LINGO2: variants seen among roughly 807,000 people sequenced by gnomAD.
LINGO2 encodes leucine-rich repeat and immunoglobulin-like domain-containing nogo receptor-interacting protein 2.
In LINGO2, 14 loss-of-function variants were observed where a neutral mutation model predicts 30.6. That is an observed-to-expected ratio of 0.46 (90% confidence interval 0.30 to 0.72). The LOEUF (loss-of-function observed/expected upper bound fraction) is 0.72. LINGO2 is among the 30% of genes least tolerant of loss of function. The pLI, the probability that LINGO2 is intolerant of heterozygous loss-of-function variation, is 0.07. For missense variants in LINGO2, 729 were observed against 751.7 expected, an observed-to-expected ratio of 0.97 and a Z score of 0.35; for synonymous variants, 317 against 288.5, an observed-to-expected ratio of 1.10 and a Z score of -1.00.
At chr9:28,381,775 G>A (rs932273228) in intron 2 of LINGO2, among the ~76,000 whole-genome samples, 5 of 152,072 alleles carry the variant, frequency 3.3e-5, no homozygotes, top group African/African-American at 1.2e-4. Context: ...CATTGACCCA[G>A]ATGGTCATTT....
At chr9:29,087,277 G>C in the LINGO2 span, among the ~76,000 whole-genome samples, 1 of 152,186 alleles carries the variant, frequency 6.6e-6, no homozygotes, top group Non-Finnish European at 1.5e-5. Flanking sequence ...CTCACCTGTG[G>C]TATGGCAGTG....
Position 28,610,680 on chromosome 9 carries a change from T to G in LINGO2, c.-365+59520A>C, listed in dbSNP as rs139660225. Among the ~76,000 whole-genome samples the G allele has an allele frequency of 2.4e-3, 372 of 152,254 alleles. 3 individuals are homozygous for G. Among genetic ancestry groups the G allele is most frequent in the African/African-American group, 8.6e-3 (358 of 41,564 alleles). On this transcript the variant is annotated intron_variant, in intron 1 of 5. Transcript: ENST00000379992. ...CTTAAGACTTCCCATCCTCCAGAAC[T>G]GTGAGAAATTAATTTCTATCATTTA...
intron 2 of LINGO2, among the ~76,000 whole-genome samples, chr9:28,469,937 T>A (rs1214962536): frequency 6.6e-6 from 1 of 152,174 alleles, no homozygotes; most frequent in Non-Finnish European, 1.5e-5. Context: ...AGAGTATTAT[T>A]GTAATTTTGG....
the LINGO2 span, among the ~76,000 whole-genome samples, chr9:28,990,002 A>G: frequency 6.6e-6 from 1 of 152,142 alleles, no homozygotes; most frequent in African/African-American, 2.4e-5. Context: ...CCATCTGAGG[A>G]AACGGGTTCA....
At chr9:28,004,627 G>GT (rs112664786) in intron 5 of LINGO2, among the ~76,000 whole-genome samples, 28,199 of 151,878 alleles carry the variant, frequency 0.19, 3,734 homozygotes, top group African/African-American at 0.37. Context: ...GTGATAAGTA[G>GT]TTTTTTTTCC....
chr9:28,993,303 A>G, the LINGO2 span, among the ~76,000 whole-genome samples: 1 of 152,146 alleles, frequency 6.6e-6, no homozygotes, highest in African/African-American at 2.4e-5. Context: ...ACACCCTCCC[A>G]AGACTAAACC....
intron 1 of LINGO2, among the ~76,000 whole-genome samples, chr9:28,650,798 C>CA (rs1459791004): frequency 2.6e-5 from 4 of 152,290 alleles, no homozygotes; most frequent in Non-Finnish European, 5.9e-5. Context: ...TGATCACTGT[C>CA]ACTGTATTCT....
chr9:28,670,236 T>C (rs992150576), exon 1 of LINGO2: 6 of 152,104 alleles, frequency 3.9e-5, no homozygotes, highest in African/African-American at 1.2e-4. Flanking sequence ...ACTTTAGAAG[T>C]GCAGGCAGCT....
At chr9:28,123,731 T>A (rs1380141252) in intron 4 of LINGO2, among the ~76,000 whole-genome samples, 1 of 152,046 alleles carries the variant, frequency 6.6e-6, no homozygotes, top group Admixed American at 6.5e-5. Flanking sequence ...CGGCGTGATC[T>A]CGGCTCACTG....
intron 1 of LINGO2, among the ~76,000 whole-genome samples, chr9:28,515,204 ATTTTT>A (rs58265226): frequency 5.8e-4 from 60 of 102,974 alleles, no homozygotes; most frequent in African/African-American, 1.7e-3. Flanking sequence ...TAAGAAATAC[ATTTTT>A]TTTTTTTTTT....
chr9:29,087,169 AC>A, the LINGO2 span, among the ~76,000 whole-genome samples: 5 of 152,174 alleles, frequency 3.3e-5, no homozygotes, highest in Non-Finnish European at 7.4e-5. Flanking sequence ...GAGCCACTGC[AC>A]CCGGCCCAAG....
At chr9:28,038,977 C>T (rs887147143) in intron 4 of LINGO2, among the ~76,000 whole-genome samples, 1 of 152,174 alleles carries the variant, frequency 6.6e-6, no homozygotes, top group Non-Finnish European at 1.5e-5. Flanking sequence ...TCTAGGTCTA[C>T]AATTCTTTTT....
chr9:28,587,664 T>A (rs1425422494), intron 1 of LINGO2, among the ~76,000 whole-genome samples: 1 of 151,338 alleles, frequency 6.6e-6, no homozygotes, highest in African/African-American at 2.4e-5. Flanking sequence ...AAAGCAAAGG[T>A]CATAGCAAAA....
the LINGO2 span, among the ~76,000 whole-genome samples, chr9:28,879,747 C>G: frequency 5.9e-5 from 9 of 152,206 alleles, no homozygotes; most frequent in East Asian, 1.7e-3. Flanking sequence ...AACATCACCA[C>G]TGTGAGTAGA....
intron 1 of LINGO2, among the ~76,000 whole-genome samples, chr9:28,568,851 C>T (rs1157144240): frequency 5.4e-5 from 8 of 147,996 alleles, no homozygotes. Flanking sequence ...CTAGACTGTT[C>T]TTCAACTTAA....
intron 2 of LINGO2, among the ~76,000 whole-genome samples, chr9:28,409,653 G>C (rs1371198300): frequency 6.9e-6 from 1 of 144,302 alleles, no homozygotes; most frequent in Non-Finnish European, 1.5e-5. Context: ...GTGTGTGTGT[G>C]ATGTTTCGAA....
the LINGO2 span, among the ~76,000 whole-genome samples, chr9:29,114,050 G>A: frequency 6.6e-6 from 1 of 151,972 alleles, no homozygotes. Flanking sequence ...ATAATTTGGG[G>A]AGAGTTTCTA....
intron 2 of LINGO2, among the ~76,000 whole-genome samples, chr9:28,427,811 C>T (rs1428076522): frequency 3.3e-5 from 5 of 152,058 alleles, no homozygotes; most frequent in Non-Finnish European, 5.9e-5. Context: ...TAGATGAGGC[C>T]ATCTCCTCTT....
At chr9:28,574,964 T>A (rs1315526191) in intron 1 of LINGO2, among the ~76,000 whole-genome samples, 2 of 152,192 alleles carry the variant, frequency 1.3e-5, no homozygotes, top group African/African-American at 4.8e-5. Flanking sequence ...TAGATGCTCA[T>A]CAATGGTGGA....
Sources: allele counts gnomAD v4.1 joint callset (sites outside exome capture counted in the v4.1 genomes callset), GRCh38; gene constraint gnomAD v4.1.1; transcripts MANE v1.5; gene names NCBI Gene and HGNC (gene_info 2026-07-23, HGNC 2026-07-21).